Variants in FBXW8 observed in about 807,000 individuals in gnomAD.
FBXW8 encodes F-box and WD repeat domain containing 8, also known as F-box/WD repeat-containing protein 8.
A neutral mutation model predicts 65.3 loss-of-function variants in FBXW8; 57 were observed. The ratio of observed to expected loss-of-function variants is 0.87; its 90% confidence interval spans 0.71 to 1.09. FBXW8 has a LOEUF of 1.09. Ranked by LOEUF, FBXW8 falls within the 50% of genes least tolerant of loss-of-function variation. FBXW8 has a pLI of 0.00. For synonymous variants in FBXW8, 308 were observed against 330.2 expected, an observed-to-expected ratio of 0.93 and a Z score of 0.73; for missense variants, 777 against 814.8, an observed-to-expected ratio of 0.95 and a Z score of 0.57.
In FBXW8 at chr12:117,024,280, G is replaced by C. The variant is rs760015810; in HGVS notation, c.1501G>C (p.Asp501His). ...CGAGGAAGGCCTGGTGTCCGTGTGG[G>C]ATTATCGGATGAACCAGAAGCTGTG... The part of the protein sequence containing the change: ...GGEEGLVSVW[D>H]YRMNQKLWEV... Residue 501 changes from aspartate to histidine, a missense_variant, in exon 9 of 11, where the codon GAT (aspartate) becomes CAT (histidine). Physicochemically the swap from Asp to His is moderately conservative, Grantham distance 81. Coordinates refer to ENST00000652555, the MANE Select transcript of FBXW8 (RefSeq NM_153348.3). 1.2e-5 allele frequency: 20 copies of C among 1,614,108 alleles called. No homozygotes were observed. The Admixed American group carries it at 3.0e-4, about 24-fold the overall frequency.
rs138068562 is a variant in FBXW8 at position 116,966,008 on chromosome 12, C to T, written c.835+1154C>T. On this transcript the variant is annotated intron_variant, in intron 5 of 10. Coordinates refer to ENST00000652555, the MANE Select transcript of FBXW8 (RefSeq NM_153348.3). ...GAACTCCTGAGCTCAAACTATCCAC[C>T]TGCTTCAGCCTCCCAAAGTGCTAGC... 3.2e-4 allele frequency among the ~76,000 whole-genome samples: 48 copies of T among 151,650 alleles called. 1 individual carries two copies. The South Asian group carries it at 3.8e-3, about 12-fold the overall frequency.
At chr12:116,984,196 A>G (rs552132057) in intron 5 of FBXW8, among the ~76,000 whole-genome samples, 1 of 152,312 alleles carries the variant, frequency 6.6e-6, no homozygotes, top group African/African-American at 2.4e-5. Flanking sequence ...CTAAGTACAG[A>G]AAAGGTTATC....
intron 5 of FBXW8, among the ~76,000 whole-genome samples, chr12:116,966,567 A>G (rs1233475671): frequency 1.3e-5 from 2 of 152,170 alleles, no homozygotes; most frequent in Admixed American, 6.5e-5. Flanking sequence ...TTTGCAGCCC[A>G]TGTCTCACAT....
chr12:116,913,043 A>G (rs1030636772), intron 1 of FBXW8, among the ~76,000 whole-genome samples: 4 of 152,172 alleles, frequency 2.6e-5, no homozygotes, highest in Non-Finnish European at 4.4e-5. Flanking sequence ...TTCAACTCCA[A>G]GTTTCACCAC....
intron 5 of FBXW8, among the ~76,000 whole-genome samples, chr12:116,974,727 A>G (rs1221191069): frequency 6.6e-6 from 1 of 152,204 alleles, no homozygotes; most frequent in Non-Finnish European, 1.5e-5. Flanking sequence ...CCTGGGTGAC[A>G]GAGTGACACC....
At chr12:116,922,811 T>G (rs1365893696) in intron 1 of FBXW8, among the ~76,000 whole-genome samples, 2 of 144,022 alleles carry the variant, frequency 1.4e-5, no homozygotes, top group Admixed American at 6.8e-5. Flanking sequence ...TGTGTGTGTG[T>G]GTTTTTTTTC....
intron 7 of FBXW8, among the ~76,000 whole-genome samples, chr12:116,994,994 T>C (rs1953342379): frequency 6.6e-6 from 1 of 152,240 alleles, no homozygotes; most frequent in Non-Finnish European, 1.5e-5. Context: ...TAGTGGTTCT[T>C]GGACGGCTTT....
At position 116,934,723 on chromosome 12, in the gene FBXW8, C is replaced by T. The variant is rs137981385; in HGVS notation, c.423+6596C>T. Among the ~76,000 whole-genome samples the T allele has an allele frequency of 9.5e-4, 144 of 152,210 alleles. 1 individual carries two copies. The highest frequency in any genetic ancestry group is 3.3e-3 in the African/African-American group (137 of 41,528). On this transcript the variant is annotated intron_variant, in intron 2 of 10. Coordinates refer to ENST00000652555, the MANE Select transcript of FBXW8 (RefSeq NM_153348.3). ...CCAGTTTCCTCCATTGGTAATATCC[C>T]GCATAACTACAGAACAGTAGCAAAC... is the stretch of plus-strand genomic sequence containing the variant.
intron 3 of FBXW8, 85 bp downstream of exon 3, chr12:116,945,613 A>T: frequency 2.2e-6 from 3 of 1,383,844 alleles, no homozygotes; most frequent in Non-Finnish European, 2.0e-6. Context: ...GCCTGAGATT[A>T]ATTGCCAACA....
chr12:116,919,336 C>G (rs1880698044), intron 1 of FBXW8, among the ~76,000 whole-genome samples: 1 of 152,092 alleles, frequency 6.6e-6, no homozygotes, highest in Non-Finnish European at 1.5e-5. Context: ...GTCAAGCAGA[C>G]CTGAGTTCAG....
At chr12:116,995,655 T>C (rs1394078993) in intron 7 of FBXW8, among the ~76,000 whole-genome samples, 1 of 152,202 alleles carries the variant, frequency 6.6e-6, no homozygotes, top group Non-Finnish European at 1.5e-5. Context: ...AATGAATTCT[T>C]AAATTAAATT....
intron 7 of FBXW8, among the ~76,000 whole-genome samples, chr12:117,003,461 A>G (rs1232771210): frequency 6.8e-6 from 1 of 147,632 alleles, no homozygotes; most frequent in African/African-American, 2.7e-5. Flanking sequence ...AGATTATTCT[A>G]TGTATTTAAC....
At chr12:117,011,324 C>T (rs984856815) in intron 8 of FBXW8, among the ~76,000 whole-genome samples, 2 of 152,004 alleles carry the variant, frequency 1.3e-5, no homozygotes, top group East Asian at 1.9e-4. Flanking sequence ...GCCTCTGTCC[C>T]GCCAGTGCAG....
intron 5 of FBXW8, among the ~76,000 whole-genome samples, chr12:116,973,116 C>T (rs1330639669): frequency 1.3e-5 from 2 of 152,092 alleles, no homozygotes; most frequent in East Asian, 3.9e-4. Context: ...TTGATAATAA[C>T]AGGTTACAAC....
At chr12:116,935,363 T>C (rs1206384098) in intron 2 of FBXW8, among the ~76,000 whole-genome samples, 1 of 152,214 alleles carries the variant, frequency 6.6e-6, no homozygotes, top group Non-Finnish European at 1.5e-5. Flanking sequence ...AGATCTATAA[T>C]CTTAATGAAG....
intron 8 of FBXW8, 66 bp downstream of exon 8, chr12:117,010,516 C>T (rs368071512): frequency 2.0e-5 from 32 of 1,606,022 alleles, no homozygotes; most frequent in African/African-American, 2.7e-5. Flanking sequence ...GCCCCCACTG[C>T]GCTGCTCACA....
chr12:117,000,795 C>G (rs1008614293), intron 7 of FBXW8, among the ~76,000 whole-genome samples: 6 of 152,180 alleles, frequency 3.9e-5, no homozygotes, highest in South Asian at 2.1e-4. Context: ...GGTGAGATAA[C>G]GCATCATAGC....
At chr12:117,023,199 G>C (rs914783247) in intron 8 of FBXW8, among the ~76,000 whole-genome samples, 1 of 152,080 alleles carries the variant, frequency 6.6e-6, no homozygotes, top group East Asian at 1.9e-4. Context: ...GTCAGGGCAC[G>C]GGACATGTTT....
chr12:116,953,276 GA>G (rs1392673495), intron 4 of FBXW8, among the ~76,000 whole-genome samples: 6 of 151,992 alleles, frequency 3.9e-5, no homozygotes, highest in Admixed American at 2.0e-4. Context: ...TGCGTTCCAA[GA>G]CCCTCATCTT....
Sources: gnomAD v4.1 joint callset for allele counts (sites outside exome capture counted in the v4.1 genomes callset) on GRCh38, gnomAD v4.1.1 for gene constraint, MANE v1.5 for transcripts, NCBI Gene and HGNC (gene_info 2026-07-23, HGNC 2026-07-21) for gene names.